The following SYNPO variants were observed in gnomAD, a reference collection of about 807,000 sequenced individuals.
The protein encoded by SYNPO is synaptopodin.
Under a neutral mutation model 49.5 loss-of-function variants are expected in SYNPO, and 19 were observed. The observed-to-expected ratio is 0.38, with a 90% confidence interval of 0.27 to 0.56. SYNPO has a LOEUF of 0.56. SYNPO is among the 20% of genes least tolerant of loss of function. The probability of loss-of-function intolerance (pLI) is 0.68; values close to 1 mark genes in which losing one functional copy is unlikely to be tolerated. For synonymous variants in SYNPO, 536 were observed against 548.0 expected (o/e 0.98, Z 0.31); for missense variants, 1,131 against 1,248.3 (o/e 0.91, Z 1.42).
chr5:150,620,899 C>CT (rs1014762340), intron 2 of SYNPO, among the ~76,000 whole-genome samples: 1 of 108,866 alleles, frequency 9.2e-6, no homozygotes, highest in African/African-American at 3.4e-5. Context: ...TTCTTTTTTT[C>CT]TCTTTCTTTC....
At chr5:150,588,753 T>C in the SYNPO span, among the ~76,000 whole-genome samples, 2 of 152,028 alleles carry the variant, frequency 1.3e-5, no homozygotes, top group Non-Finnish European at 2.9e-5. Flanking sequence ...CCTTTGGACT[T>C]TATCCTCTGT....
At chr5:150,609,336 C>A (rs779845878) in intron 1 of SYNPO, among the ~76,000 whole-genome samples, 1 of 152,080 alleles carries the variant, frequency 6.6e-6, no homozygotes, top group Non-Finnish European at 1.5e-5. Flanking sequence ...CTCTTGTCGC[C>A]CAGGCTGGAG....
the SYNPO span, among the ~76,000 whole-genome samples, chr5:150,593,325 G>C: frequency 6.6e-6 from 1 of 152,318 alleles, no homozygotes; most frequent in Admixed American, 6.5e-5. Flanking sequence ...TGAGTCTGCA[G>C]GAGTTGCAGG....
the SYNPO span, among the ~76,000 whole-genome samples, chr5:150,589,568 C>T: frequency 1.2e-4 from 19 of 152,304 alleles, no homozygotes; most frequent in East Asian, 3.7e-3. Context: ...GCTGGTGTGC[C>T]AGCTGGATAA....
chr5:150,620,934 T>TTTCC (rs751950343), intron 2 of SYNPO, among the ~76,000 whole-genome samples: 1 of 142,604 alleles, frequency 7.0e-6, no homozygotes, highest in African/African-American at 2.8e-5. Flanking sequence ...TCTTTCTTTC[T>TTTCC]TTCTTTCTTT....
At chr5:150,650,608 C>G (rs1471355325) in intron 2 of SYNPO, 3 of 1,448,776 alleles carry the variant, frequency 2.1e-6, no homozygotes, top group Non-Finnish European at 2.7e-6. Context: ...AGCCCTGATG[C>G]GGTAGAGGGG....
At chr5:150,639,797 G>C (rs7726913), upstream of SYNPO, among the ~76,000 whole-genome samples, 1,720 of 152,330 alleles carry the variant, frequency 0.011, 37 homozygotes, top group African/African-American at 0.039. Flanking sequence ...TGGAAGATGT[G>C]GTGGGGACAA....
chr5:150,657,382 C>T lies in SYNPO; in HGVS notation c.*295C>T. 1 of 461,350 alleles carries T rather than the reference C, an allele frequency of 2.2e-6. No individual in the cohort carries two copies. Among genetic ancestry groups the T allele is most frequent in the East Asian group, 3.8e-5 (1 of 26,056 alleles). The allele number at this position is 461,350 out of a possible 1,614,324, so 28.6% of individuals were successfully genotyped here. A position where few individuals can be genotyped will look rare whatever the true frequency, so the allele number is the denominator to read the frequency against. On this transcript the variant is annotated 3_prime_UTR_variant, in exon 3 of 3. Transcript: ENST00000307662. ...CAAACGTCAAAATTCCCCTTCCCAT[C>T]AGTACACACACCGATGCACACACAC... is the stretch of plus-strand genomic sequence containing the variant.
chr5:150,629,167 C>T (rs936423794), intron 2 of SYNPO, among the ~76,000 whole-genome samples: 2 of 152,168 alleles, frequency 1.3e-5, no homozygotes, highest in Admixed American at 6.5e-5. Context: ...GATGTGCCAC[C>T]GTGCCCGGCT....
At chr5:150,619,709 G>A (rs1459739412) in intron 2 of SYNPO, among the ~76,000 whole-genome samples, 1 of 152,154 alleles carries the variant, frequency 6.6e-6, no homozygotes, top group African/African-American at 2.4e-5. Flanking sequence ...TCCCGGGAGG[G>A]CTTGTGCGTC....
Position 150,648,536 on chromosome 5 carries a change from C to G in SYNPO, c.261C>G (p.Ser87Arg), listed in dbSNP as rs573686646. The G allele has an allele frequency of 2.5e-6, 4 of 1,614,186 alleles. No homozygotes were observed. In the South Asian group the frequency reaches 4.4e-5, roughly 18 times the overall value. Residue 87 changes from serine (S) to arginine (R), a missense_variant, in exon 2 of 3, where the codon AGC becomes AGG. This residue lies in a region of SYNPO where 602 missense variants were observed against 720.7 expected (regional missense o/e 0.84). Coordinates refer to ENST00000307662, the MANE Select transcript of SYNPO (RefSeq NM_007286.6). This position sits in a 1 kb window ranked among gnomAD's most constrained non-coding sequence, Gnocchi z 5.0. ...CGCTCACCACACCAACTTCTAACAG[C>G]AGCCACAATCCGCCAGCCACCGATG... Reference protein sequence around the residue: ...SATLTTPTSNSSHNPPATDVN... With the variant: ...SATLTTPTSNRSHNPPATDVN...
chr5:150,618,822 G>C (rs1190555351), intron 2 of SYNPO: 52 of 1,546,488 alleles, frequency 3.4e-5, no homozygotes, highest in Non-Finnish European at 4.1e-5. Flanking sequence ...GACCCCCCAG[G>C]TCCTTAGTAC....
chr5:150,640,582 G>A (rs1027945077), upstream of SYNPO: 12 of 920,340 alleles, frequency 1.3e-5, no homozygotes, highest in African/African-American at 5.4e-5. Context: ...ATCTGGCAGC[G>A]TGGGGCGGGT....
At chr5:150,642,470 T>C (rs112583201) in intron 1 of SYNPO, among the ~76,000 whole-genome samples, 3 of 152,230 alleles carry the variant, frequency 2.0e-5, no homozygotes, top group African/African-American at 7.2e-5. Flanking sequence ...CCAGGCCGAT[T>C]GAGGGTTCAA....
chr5:150,589,996 G>C, the SYNPO span, among the ~76,000 whole-genome samples: 2 of 152,248 alleles, frequency 1.3e-5, no homozygotes, highest in African/African-American at 4.8e-5. Context: ...GAGAGGACAG[G>C]CTGCCGACAG....
chr5:150,632,956 C>T (rs1446294534), intron 2 of SYNPO, among the ~76,000 whole-genome samples: 1 of 152,178 alleles, frequency 6.6e-6, no homozygotes, highest in Non-Finnish European at 1.5e-5. Context: ...ACCTAGAAAC[C>T]ATTCCTTCTG....
rs75705013 is a variant in SYNPO, at chr5:150,650,745, G to A, written c.2028+442G>A. ...GACAGAGCCTGCCAGTGCCTGTGGAGTCAGCCAGCCGAGGGTCTGCCTCCT... is the reference window on the plus strand; with the variant it reads ...GACAGAGCCTGCCAGTGCCTGTGGAATCAGCCAGCCGAGGGTCTGCCTCCT... On this transcript the variant is annotated intron_variant, in intron 2 of 2. Transcript: ENST00000307662. 1,520 of 1,299,778 alleles carry A rather than the reference G, an allele frequency of 1.2e-3. 17 individuals carry two copies. In the African/African-American group the frequency reaches 0.021, roughly 18 times the overall value. 80.5% of individuals were successfully genotyped at this position (1,299,778 alleles called of 1,614,324 possible).
At chr5:150,647,827 C>T (rs2151420768) in intron 1 of SYNPO, 117 bp from the exon 2 acceptor site, 2 of 939,630 alleles carry the variant, frequency 2.1e-6, no homozygotes, top group Middle Eastern at 2.3e-4. Context: ...GATTAAATTC[C>T]AGAAGAGATC....
chr5:150,640,041 C>A, upstream of SYNPO: 2 of 750,818 alleles, frequency 2.7e-6, no homozygotes, highest in Non-Finnish European at 3.2e-6. Context: ...TCTGAGCCAG[C>A]GTCTTCTCTA....
Sources: allele counts gnomAD v4.1 joint callset (sites outside exome capture counted in the v4.1 genomes callset), GRCh38; gene constraint gnomAD v4.1.1; regional missense constraint gnomAD v4.1.1; non-coding constraint Gnocchi (gnomAD v3.1); transcripts MANE v1.5; gene names NCBI Gene and HGNC (gene_info 2026-07-23, HGNC 2026-07-21).